HELZ2: variants seen among roughly 807,000 people sequenced by gnomAD.
HELZ2 encodes helicase with zinc finger 2, also known as 3'-5' exoribonuclease HELZ2.
HELZ2 carries 143 observed loss-of-function variants against 208.8 expected under a neutral mutation model. That is an observed-to-expected ratio of 0.68 (90% CI 0.60 to 0.79). HELZ2 has a LOEUF of 0.79. HELZ2 is among the 30% of genes least tolerant of loss of function. The probability of loss-of-function intolerance (pLI) is 0.00; values close to 1 mark genes in which losing one functional copy is unlikely to be tolerated. For missense variants in HELZ2, 3,690 were observed against 3,794.5 expected (o/e 0.97, Z 0.72); for synonymous variants, 1,705 against 1,693.7 (o/e 1.01, Z -0.16).
rs544446012 is a variant in HELZ2, at chr20:63,560,642, G to A, written c.7337C>T (p.Thr2446Met). 44 of 1,610,352 alleles carry A rather than the reference G, an allele frequency of 2.7e-5. No individual in the cohort carries two copies. In the East Asian group the frequency reaches 5.1e-4, roughly 19 times the overall value. ...GGGCGGCCTCCTCAGGCCCTGCCAC[G>A]TCTTCAGCTTGCTCTTGTAGAACGC... The change falls in exon 16 of 19, where the codon ACG becomes ATG. Residue 2446 changes from threonine (T) to methionine (M), a missense_variant. Coordinates refer to ENST00000467148, the Ensembl canonical transcript of HELZ2.
downstream of HELZ2, chr20:63,559,082 C>A: frequency 1.3e-6 from 1 of 758,130 alleles, no homozygotes; most frequent in Non-Finnish European, 2.1e-6. Context: ...GGGACCGGCC[C>A]TTGCCGTTCC....
chr20:63,572,244 T>A, exon 1 of HELZ2: 1 of 1,569,246 alleles, frequency 6.4e-7, no homozygotes, highest in East Asian at 2.4e-5. Flanking sequence ...GAGTGGCAGG[T>A]GACCAAGCAG....
exon 8 of HELZ2, chr20:63,565,387 G>A (rs1211428452): frequency 6.2e-7 from 1 of 1,609,688 alleles, no homozygotes; most frequent in Non-Finnish European, 8.5e-7. Flanking sequence ...CGTCCAGCGG[G>A]ATGGCTGACG....
exon 8 of HELZ2, chr20:63,565,972 C>A: frequency 6.3e-7 from 1 of 1,599,308 alleles, no homozygotes. Context: ...CCTGCTCGAC[C>A]TGCTCCATGG....
At chr20:63,564,347 A>C in exon 8 of HELZ2, 2 of 1,574,092 alleles carry the variant, frequency 1.3e-6, no homozygotes, top group Non-Finnish European at 1.7e-6. Context: ...CAGCCGAGAG[A>C]AGTAGCACGC....
chr20:63,564,094 CA>C lies in HELZ2; in HGVS notation c.4727del (p.Leu1576ArgfsTer394), dbSNP rs1342948720. ...GCAGGTGGTGGCCGAGGTGCAGTGA[CA>C]GGGGCACCCGGTCCCCATGCTTCTC... On this transcript the variant is annotated frameshift_variant, in exon 8 of 19. Transcript: ENST00000467148. LOFTEE classifies it high-confidence loss of function. The C allele has an allele frequency of 6.2e-7, 1 of 1,608,940 alleles. No homozygotes were observed. The highest frequency in any genetic ancestry group is 8.5e-7 in the Non-Finnish European group (1 of 1,177,946).
In HELZ2 at chr20:63,567,434, G is replaced by A. The variant is rs539809403; in HGVS notation, c.1924C>T (p.Arg642Cys). The change falls in exon 6 of 19, where the codon CGC (arginine) becomes TGC (cysteine). Residue 642 changes from arginine (R) to cysteine (C), a missense_variant. Physicochemically the swap from Arg to Cys is radical, Grantham distance 180. This residue lies in a region of HELZ2 where 1,119 missense variants were observed against 1,193.4 expected (regional missense o/e 0.94). Coordinates refer to ENST00000467148, the Ensembl canonical transcript of HELZ2. The stretch of plus-strand genomic sequence containing the variant: ...TGGGAGGTGGTGGTGACCACCACGC[G>A]GTGCCGCGCCAGCTCTGCCCGTGTG... 2.1e-5 allele frequency: 33 copies of A among 1,563,650 alleles called. No individual in the cohort carries two copies. Among genetic ancestry groups the A allele is most frequent in the East Asian group, 7.2e-5 (3 of 41,824 alleles).
exon 8 of HELZ2, chr20:63,562,830 A>T: frequency 6.2e-7 from 1 of 1,610,472 alleles, no homozygotes. Flanking sequence ...ATGTCGGCAC[A>T]GTTCTCCTCG....
exon 8 of HELZ2, chr20:63,565,451 G>A (rs749328583): frequency 6.3e-5 from 102 of 1,609,400 alleles, no homozygotes; most frequent in Non-Finnish European, 8.3e-5. Flanking sequence ...CTCGGGCTCC[G>A]CGTGCAGCAG....
At chr20:63,563,871 C>A (rs778672680) in exon 8 of HELZ2, 7 of 1,595,838 alleles carry the variant, frequency 4.4e-6, no homozygotes, top group Non-Finnish European at 6.0e-6. Context: ...TGGCCCCGGG[C>A]GCAGCGGCCG....
At chr20:63,572,316 C>T (rs2083023510) in exon 1 of HELZ2, 3 of 1,586,546 alleles carry the variant, frequency 1.9e-6, no homozygotes, top group Admixed American at 1.8e-5. Flanking sequence ...CCGTCGCCAT[C>T]AGGGGCAGGG....
chr20:63,563,860 G>T, exon 8 of HELZ2: 1 of 1,595,920 alleles, frequency 6.3e-7, no homozygotes. Flanking sequence ...CCTGCTGCTG[G>T]TGGCCCCGGG....
rs774457768 is a variant in HELZ2, at chr20:63,565,893, C to G, written c.2929G>C (p.Ala977Pro). ...GCCAGGTCCCCTACTGGCTCTGGGG[C>G]AGCCTCCCAGTTCCCCGCTGCCCCA... Residue 977 changes from alanine to proline, a missense_variant, in exon 8 of 19, where the codon GCC becomes CCC. Coordinates refer to ENST00000467148, the Ensembl canonical transcript of HELZ2. The G allele has an allele frequency of 9.5e-5, 151 of 1,596,974 alleles. No homozygotes were observed. The highest frequency in any genetic ancestry group is 1.2e-4 in the Non-Finnish European group (146 of 1,178,868).
exon 8 of HELZ2, chr20:63,564,810 G>T (rs767271876): frequency 6.2e-7 from 1 of 1,610,046 alleles, no homozygotes; most frequent in Non-Finnish European, 8.5e-7. Context: ...AAGAAGGCGC[G>T]GCAGTCCTCT....
chr20:63,559,169 C>T (rs1445386474), downstream of HELZ2: 25 of 1,143,584 alleles, frequency 2.2e-5, no homozygotes, highest in Admixed American at 1.0e-4. Flanking sequence ...AGGCTGATGG[C>T]GGAGGGTGGT....
chr20:63,565,948 T>A, exon 8 of HELZ2: 1 of 1,598,900 alleles, frequency 6.3e-7, no homozygotes, highest in Non-Finnish European at 8.5e-7. Context: ...GCCAGCGCCG[T>A]CTCTGCGCCA....
intron 5 of HELZ2, chr20:63,567,980 G>A (rs551563331): frequency 4.2e-5 from 23 of 545,156 alleles, no homozygotes; most frequent in Non-Finnish European, 6.1e-5. Context: ...CCGGCCTGGG[G>A]AGGTGGTGGT....
chr20:63,572,763 C>T (rs1056240989), upstream of HELZ2: 5 of 218,904 alleles, frequency 2.3e-5, no homozygotes, highest in Non-Finnish European at 2.7e-5. Context: ...TGCTGACGCT[C>T]GAAGGTCCAG....
exon 8 of HELZ2, chr20:63,563,694 A>C: frequency 6.3e-7 from 1 of 1,583,316 alleles, no homozygotes; most frequent in Non-Finnish European, 8.5e-7. Flanking sequence ...TGGAGGCTGA[A>C]GGCCTGGCAG....
Sources: allele counts gnomAD v4.1 joint callset, GRCh38; gene constraint gnomAD v4.1.1; regional missense constraint gnomAD v4.1.1; transcripts MANE v1.5; gene names NCBI Gene and HGNC (gene_info 2026-07-23, HGNC 2026-07-21).